Variants in ADARB2 observed in about 807,000 individuals in gnomAD.
The protein encoded by ADARB2 is inactive double-stranded RNA-specific editase B2.
ADARB2 carries 25 observed loss-of-function variants against 62.2 expected under a neutral mutation model. That is an observed-to-expected ratio of 0.40 (90% confidence interval 0.29 to 0.56). ADARB2 has a LOEUF of 0.56. Among genes scored for constraint, ADARB2 ranks in the 20% least tolerant of loss-of-function variants. ADARB2 has a pLI of 0.43. For synonymous variants in ADARB2, 572 were observed against 500.8 expected (o/e 1.14, Z -1.90); for missense variants, 1,071 against 1,077.4 (o/e 0.99, Z 0.08).
intron 1 of ADARB2, among the ~76,000 whole-genome samples, chr10:1,406,462 T>C (rs1832708860): frequency 6.6e-6 from 1 of 152,146 alleles, no homozygotes; most frequent in Non-Finnish European, 1.5e-5. Context: ...CCACAGAGGA[T>C]CACCTCCTAA....
chr10:1,214,885 G>C (rs946653645), intron 7 of ADARB2, among the ~76,000 whole-genome samples: 10 of 152,258 alleles, frequency 6.6e-5, no homozygotes, highest in African/African-American at 2.4e-4. Context: ...GGCTGACCCT[G>C]TGGCTCCCCA....
intron 6 of ADARB2, among the ~76,000 whole-genome samples, chr10:1,220,358 A>G (rs796900804): frequency 4.9e-4 from 57 of 115,912 alleles, no homozygotes; most frequent in African/African-American, 1.6e-3. Flanking sequence ...TGTGGTGATG[A>G]TGGTGATGAT....
At chr10:1,278,434 C>T (rs772991600) in intron 3 of ADARB2, among the ~76,000 whole-genome samples, 31 of 151,674 alleles carry the variant, frequency 2.0e-4, no homozygotes, top group Non-Finnish European at 4.1e-4. Context: ...TCCCTCCCCA[C>T]CAGTATTCCC....
chr10:1,387,827 C>A (rs10794749), intron 1 of ADARB2, among the ~76,000 whole-genome samples: 20,708 of 151,922 alleles, frequency 0.14, 2,147 homozygotes, highest in East Asian at 0.47. Flanking sequence ...ATGGTCCTCA[C>A]GAGCAGATGA....
chr10:1,657,619 C>T (rs1241619477), intron 1 of ADARB2, among the ~76,000 whole-genome samples: 1 of 152,202 alleles, frequency 6.6e-6, no homozygotes, highest in Admixed American at 6.5e-5. Flanking sequence ...ATCTCCTGTG[C>T]TGCAGGCGGT....
At chr10:1,556,652 G>A (rs377469704) in intron 1 of ADARB2, 76 of 533,280 alleles carry the variant, frequency 1.4e-4, no homozygotes, top group Non-Finnish European at 2.5e-4. Context: ...ATCACATTGC[G>A]CTCCAAGTAC....
chr10:1,283,345 T>C (rs1399262593), intron 3 of ADARB2, among the ~76,000 whole-genome samples: 1 of 152,248 alleles, frequency 6.6e-6, no homozygotes, highest in African/African-American at 2.4e-5. Context: ...TTTAGGTGCA[T>C]GTTTTCAATT....
intron 6 of ADARB2, among the ~76,000 whole-genome samples, chr10:1,218,807 G>C (rs915542212): frequency 6.6e-6 from 1 of 152,040 alleles, no homozygotes; most frequent in African/African-American, 2.4e-5. Context: ...CACTTTGGGA[G>C]GCAGAGGCGG....
chr10:1,340,096 C>T lies in ADARB2; in HGVS notation c.1077+22932G>A, dbSNP rs866151957. 2.8e-4 allele frequency among the ~76,000 whole-genome samples: 42 copies of T among 151,212 alleles called. No homozygotes were observed. The Middle Eastern group carries it at 0.017, about 62-fold the overall frequency. On this transcript the variant is annotated intron_variant, in intron 3 of 9. Transcript: ENST00000381312. ...CACCAGAGAACCACGTGCCCCACAG[C>T]GGCAATAACCGGCATCCACCAGAGA...
chr10:1,541,649 G>A lies in ADARB2; in HGVS notation c.101-162489C>T, dbSNP rs78875408. ...TCCAGACCCCACTCAGACGCAGTTCGGACCCTGGATCACAGCCGCCCAGAC... is the reference window on the plus strand; with the variant it reads ...TCCAGACCCCACTCAGACGCAGTTCAGACCCTGGATCACAGCCGCCCAGAC... On this transcript the variant is annotated intron_variant, in intron 1 of 9. Coordinates refer to ENST00000381312, the MANE Select transcript of ADARB2 (RefSeq NM_018702.4). Among the ~76,000 whole-genome samples, 44 of 12,668 alleles carry A rather than the reference G, an allele frequency of 3.5e-3. 3 individuals are homozygous for A. Among genetic ancestry groups the A allele is most frequent in the Middle Eastern group, 0.062 (1 of 16 alleles). 8.3% of individuals were successfully genotyped at this position (12,668 alleles called of 152,430 possible).
intron 1 of ADARB2, among the ~76,000 whole-genome samples, chr10:1,444,885 A>G (rs1440525027): frequency 7.3e-6 from 1 of 137,384 alleles, no homozygotes; most frequent in Non-Finnish European, 1.5e-5. Flanking sequence ...CTATCCATCC[A>G]CCCACCCATC....
chr10:1,340,349 G>A (rs1832012986), intron 3 of ADARB2, among the ~76,000 whole-genome samples: 2 of 85,638 alleles, frequency 2.3e-5, no homozygotes, highest in Non-Finnish European at 4.5e-5. Context: ...GCCCCACAGC[G>A]GCAATAACCG....
intron 1 of ADARB2, among the ~76,000 whole-genome samples, chr10:1,635,378 T>A (rs1218501507): frequency 6.6e-6 from 1 of 152,186 alleles, no homozygotes; most frequent in Non-Finnish European, 1.5e-5. Flanking sequence ...CCTATGTAAC[T>A]TAGAATACGT....
At chr10:1,601,056 G>A (rs1833406159) in intron 1 of ADARB2, among the ~76,000 whole-genome samples, 2 of 152,224 alleles carry the variant, frequency 1.3e-5, no homozygotes, top group Admixed American at 1.3e-4. Flanking sequence ...AGCTCTGAGT[G>A]TGAAGAGCCT....
intron 1 of ADARB2, among the ~76,000 whole-genome samples, chr10:1,510,180 TTCTTTTTC>T (rs1831918776): frequency 1.3e-5 from 2 of 151,072 alleles, no homozygotes; most frequent in African/African-American, 4.9e-5. Context: ...TTTTCTTTCT[TTCTTTTTC>T]TTTCTTTCTT....
At chr10:1,604,168 T>G (rs1255691489) in intron 1 of ADARB2, among the ~76,000 whole-genome samples, 1 of 152,202 alleles carries the variant, frequency 6.6e-6, no homozygotes, top group Non-Finnish European at 1.5e-5. Flanking sequence ...TTACTATGAA[T>G]TTTTCAGAAA....
At position 1,327,250 on chromosome 10, in the gene ADARB2, C is replaced by G. The variant is rs546309233; in HGVS notation, c.1077+35778G>C. 9.2e-3 allele frequency among the ~76,000 whole-genome samples: 956 copies of G among 103,928 alleles called. 80 individuals carry two copies. Among genetic ancestry groups the G allele is most frequent in the African/African-American group, 0.034 (877 of 25,876 alleles). 68.2% of individuals were successfully genotyped at this position (103,928 alleles called of 152,430 possible). A position where few individuals can be genotyped will look rare whatever the true frequency, so the allele number is the denominator to read the frequency against. ...CTCCCCACGGCACAGCACCTCCTCACTGCCCAGCGCCTCCTCACTGCACAG... is the reference window on the plus strand; with the variant it reads ...CTCCCCACGGCACAGCACCTCCTCAGTGCCCAGCGCCTCCTCACTGCACAG... On this transcript the variant is annotated intron_variant, in intron 3 of 9. Transcript: ENST00000381312.
intron 3 of ADARB2, among the ~76,000 whole-genome samples, chr10:1,321,577 G>T (rs1403521262): frequency 2.6e-5 from 4 of 151,950 alleles, no homozygotes; most frequent in Non-Finnish European, 5.9e-5. Flanking sequence ...AGAGATGGGG[G>T]TCTCATTATG....
intron 1 of ADARB2, among the ~76,000 whole-genome samples, chr10:1,558,390 G>C (rs1392555558): frequency 3.5e-5 from 4 of 112,692 alleles, no homozygotes; most frequent in South Asian, 2.9e-4. Flanking sequence ...ATCTAAACTC[G>C]AATCCCACCT....
Sources: allele counts gnomAD v4.1 joint callset (sites outside exome capture counted in the v4.1 genomes callset), GRCh38; gene constraint gnomAD v4.1.1; transcripts MANE v1.5; gene names NCBI Gene and HGNC (gene_info 2026-07-23, HGNC 2026-07-21).